ULK2: variants seen among roughly 807,000 people sequenced by gnomAD.
The protein encoded by ULK2 is serine/threonine-protein kinase ULK2.
A neutral mutation model predicts 127.5 loss-of-function variants in ULK2; 76 were observed. The ratio of observed to expected loss-of-function variants is 0.60; its 90% CI spans 0.50 to 0.72. The LOEUF (loss-of-function observed/expected upper bound fraction) is 0.72, where lower values mean the gene tolerates loss of function less well. ULK2 is among the 30% of genes least tolerant of loss of function. The pLI is 0.00. For missense variants in ULK2, 1,144 were observed against 1,295.9 expected (o/e 0.88, Z 1.80); for synonymous variants, 452 against 461.9 (o/e 0.98, Z 0.28).
intron 12 of ULK2, among the ~76,000 whole-genome samples, chr17:19,824,512 G>T (rs955770474): frequency 7.0e-6 from 1 of 142,906 alleles, no homozygotes; most frequent in African/African-American, 2.6e-5. Flanking sequence ...AGTGACTAGA[G>T]TGACCAGAAG....
intron 12 of ULK2, among the ~76,000 whole-genome samples, chr17:19,824,835 T>A (rs1179103399): frequency 6.6e-6 from 1 of 152,162 alleles, no homozygotes; most frequent in African/African-American, 2.4e-5. Flanking sequence ...TATAAGAAGG[T>A]GATAGTGCTA....
intron 9 of ULK2, among the ~76,000 whole-genome samples, chr17:19,839,079 A>G (rs1215536568): frequency 6.6e-6 from 1 of 151,964 alleles, no homozygotes; most frequent in Non-Finnish European, 1.5e-5. Flanking sequence ...TTTGAGAAAC[A>G]GCATCAAATT....
chr17:19,822,726 G>A (rs1200046177), intron 12 of ULK2, among the ~76,000 whole-genome samples: 2 of 150,450 alleles, frequency 1.3e-5, no homozygotes, highest in Non-Finnish European at 3.0e-5. Flanking sequence ...TCGCTCTGTC[G>A]CTCAGGCTGG....
chr17:19,843,487 T>C (rs1194364316), intron 7 of ULK2, among the ~76,000 whole-genome samples: 1 of 151,694 alleles, frequency 6.6e-6, no homozygotes, highest in East Asian at 1.9e-4. Flanking sequence ...AATGGACACA[T>C]AAAGTACAGT....
chr17:19,788,698 T>C (rs2087088037), intron 20 of ULK2, among the ~76,000 whole-genome samples: 1 of 152,036 alleles, frequency 6.6e-6, no homozygotes, highest in African/African-American at 2.4e-5. Context: ...CTCTTGGACA[T>C]TTCTGGACCT....
chr17:19,788,643 T>C (rs183792439), intron 20 of ULK2, among the ~76,000 whole-genome samples: 24 of 152,160 alleles, frequency 1.6e-4, no homozygotes, highest in African/African-American at 5.1e-4. Flanking sequence ...TACAGTGGGA[T>C]AGAGCACCAA....
chr17:19,850,248 T>G (rs1472357077), intron 3 of ULK2, among the ~76,000 whole-genome samples: 1 of 152,204 alleles, frequency 6.6e-6, no homozygotes, highest in Non-Finnish European at 1.5e-5. Context: ...CCTGGTTTTT[T>G]GTTTTTCTGT....
chr17:19,833,127 GAAAAAA>G (rs71157837), intron 10 of ULK2, among the ~76,000 whole-genome samples: 72,205 of 115,880 alleles, frequency 0.62, 20,762 homozygotes, highest in Middle Eastern at 0.74. Flanking sequence ...TGTCTCAAAG[GAAAAAA>G]AAAAAAAAAA....
chr17:19,853,392 C>A (rs748415057), intron 3 of ULK2, among the ~76,000 whole-genome samples: 2 of 151,962 alleles, frequency 1.3e-5, no homozygotes, highest in Non-Finnish European at 2.9e-5. Flanking sequence ...CCCAGCTTGC[C>A]CTTCCAAAGT....
intron 12 of ULK2, among the ~76,000 whole-genome samples, chr17:19,821,977 C>T (rs1329178031): frequency 2.7e-5 from 4 of 150,046 alleles, no homozygotes; most frequent in Non-Finnish European, 5.9e-5. Flanking sequence ...TGAGCAAGCA[C>T]ACCCAGCTGA....
chr17:19,806,413 G>A (rs1477580867), intron 14 of ULK2, among the ~76,000 whole-genome samples: 1 of 152,072 alleles, frequency 6.6e-6, no homozygotes, highest in South Asian at 2.1e-4. Flanking sequence ...ACCCAAAGAA[G>A]TAAACTTAGC....
At chr17:19,863,159 G>A (rs1054247098) in intron 3 of ULK2, among the ~76,000 whole-genome samples, 1 of 151,752 alleles carries the variant, frequency 6.6e-6, no homozygotes, top group Admixed American at 6.6e-5. Context: ...AGGTTGCAGT[G>A]AGCCAAGCTC....
chr17:19,856,090 G>C (rs951089763), intron 3 of ULK2: 1 of 151,976 alleles, frequency 6.6e-6, no homozygotes, highest in Non-Finnish European at 1.5e-5. Flanking sequence ...TTACACCTAC[G>C]TATCTACCCT....
At chr17:19,822,482 CT>C (rs2041175808) in intron 12 of ULK2, among the ~76,000 whole-genome samples, 1 of 151,560 alleles carries the variant, frequency 6.6e-6, no homozygotes, top group South Asian at 2.1e-4. Context: ...CTGCCTCAGC[CT>C]CCTGAGTATC....
intron 14 of ULK2, among the ~76,000 whole-genome samples, chr17:19,810,129 G>T (rs1597745013): frequency 6.6e-6 from 1 of 151,314 alleles, no homozygotes; most frequent in Admixed American, 6.6e-5. Flanking sequence ...TACTCGGGAG[G>T]CTGAGGCAGG....
intron 16 of ULK2, among the ~76,000 whole-genome samples, chr17:19,800,875 A>AT (rs1265456529): frequency 1.3e-5 from 2 of 152,144 alleles, no homozygotes; most frequent in Admixed American, 1.3e-4. Context: ...TCTCTCACAC[A>AT]TATTTCTGCA....
chr17:19,847,710 C>T (rs1425136133), intron 5 of ULK2, among the ~76,000 whole-genome samples: 1 of 152,166 alleles, frequency 6.6e-6, no homozygotes, highest in Admixed American at 6.5e-5. Flanking sequence ...TCACCATGCC[C>T]AGCTAATTTT....
At chr17:19,814,438 A>ATTTTTTTTTT (rs1187090319) in intron 13 of ULK2, among the ~76,000 whole-genome samples, 2 of 23,330 alleles carry the variant, frequency 8.6e-5, no homozygotes, top group African/African-American at 3.8e-4. Flanking sequence ...ATATATATAT[A>ATTTTTTTTTT]TTTTTTTTTT....
At chr17:19,817,005 T>A in intron 12 of ULK2, 85 bp from the exon 13 acceptor site, 3 of 1,222,478 alleles carry the variant, frequency 2.5e-6, no homozygotes, top group Non-Finnish European at 3.3e-6. Flanking sequence ...TTTTTTTTTT[T>A]CCCCCACAAA....
Sources: gnomAD v4.1 joint callset for allele counts (sites outside exome capture counted in the v4.1 genomes callset) on GRCh38, gnomAD v4.1.1 for gene constraint, MANE v1.5 for transcripts, NCBI Gene and HGNC (gene_info 2026-07-23, HGNC 2026-07-21) for gene names.